ALKBH3: variants seen among roughly 807,000 people sequenced by gnomAD.
The protein encoded by ALKBH3 is alpha-ketoglutarate-dependent dioxygenase alkB homolog 3.
In ALKBH3, 51 loss-of-function variants were observed where a neutral mutation model predicts 43.9. That is an observed-to-expected ratio of 1.16 (90% CI 0.93 to 1.47). The LOEUF (loss-of-function observed/expected upper bound fraction) is 1.47, where lower values mean the gene tolerates loss of function less well. ALKBH3 is among the 40% of genes most tolerant of loss of function. The pLI, the probability that ALKBH3 is intolerant of heterozygous loss-of-function variation, is 0.00. For missense variants in ALKBH3, 361 were observed against 351.9 expected (o/e 1.03, Z -0.21); for synonymous variants, 102 against 115.2 (o/e 0.89, Z 0.73).
chr11:43,895,203 A>G (rs1337913200), intron 7 of ALKBH3, among the ~76,000 whole-genome samples: 2 of 152,186 alleles, frequency 1.3e-5, no homozygotes, highest in Non-Finnish European at 2.9e-5. Flanking sequence ...ACTGCGAAAC[A>G]TATAACATGA....
chr11:43,916,888 A>T (rs1951987591), intron 8 of ALKBH3: 1 of 152,240 alleles, frequency 6.6e-6, no homozygotes, highest in African/African-American at 2.4e-5. Flanking sequence ...TTGCATTAGT[A>T]GGATCCCTTG....
chr11:43,905,740 A>G (rs2460120), intron 8 of ALKBH3, among the ~76,000 whole-genome samples: 128,088 of 152,172 alleles, frequency 0.84, 54,651 homozygotes, highest in East Asian at 0.98. Flanking sequence ...TCAGGCTGGC[A>G]TTATTAAAGG....
At chr11:43,914,194 G>A (rs894920883) in intron 8 of ALKBH3, among the ~76,000 whole-genome samples, 5 of 152,234 alleles carry the variant, frequency 3.3e-5, no homozygotes, top group African/African-American at 7.2e-5. Flanking sequence ...GAGTATAGTG[G>A]AAAGAATAGG....
intron 8 of ALKBH3, among the ~76,000 whole-genome samples, chr11:43,903,056 T>C (rs533962775): frequency 3.0e-4 from 46 of 152,360 alleles, no homozygotes; most frequent in African/African-American, 1.1e-3. Context: ...GCATATTGTG[T>C]GATTTTGCAT....
rs1255520585 is a variant in ALKBH3 at position 43,882,667 on chromosome 11, A to G, written c.15A>G (p.Arg5=). 2 of 1,613,170 alleles carry G rather than the reference A, an allele frequency of 1.2e-6. No individual in the cohort carries two copies. The highest frequency in any genetic ancestry group is 1.7e-6 in the Non-Finnish European group (2 of 1,179,794). The change falls in exon 2 of 10, where the codon AGA becomes AGG. Residue 5 remains arginine, a synonymous_variant. Coordinates refer to ENST00000302708, the MANE Select transcript of ALKBH3 (RefSeq NM_139178.4). The part of the protein sequence containing the change: MEEK[R]RRARVQGAWA... ...TTTTGGTCAACATGGAGGAAAAAAG[A>G]CGGCGAGCCCGAGTTCAGGGAGCCT... is the stretch of plus-strand genomic sequence containing the variant.
chr11:43,900,403 T>C (rs1358768440), intron 7 of ALKBH3, among the ~76,000 whole-genome samples: 6 of 151,746 alleles, frequency 4.0e-5, no homozygotes, highest in Non-Finnish European at 5.9e-5. Context: ...TTTGTATTTT[T>C]AGTAGAGACA....
chr11:43,905,547 T>C (rs913993811), intron 8 of ALKBH3, among the ~76,000 whole-genome samples: 4 of 152,174 alleles, frequency 2.6e-5, no homozygotes, highest in African/African-American at 7.2e-5. Context: ...CTGTCATTCC[T>C]CAGGGGCATA....
chr11:43,898,392 G>C (rs1951835143), intron 7 of ALKBH3: 2 of 702,128 alleles, frequency 2.8e-6, no homozygotes, highest in South Asian at 1.6e-5. Context: ...CCGTTCCACA[G>C]GTCCTTCAGA....
chr11:43,916,222 C>A (rs1159347032), intron 8 of ALKBH3, among the ~76,000 whole-genome samples: 2 of 152,106 alleles, frequency 1.3e-5, no homozygotes, highest in Non-Finnish European at 2.9e-5. Context: ...GTAAATACAT[C>A]CAGATTTTTT....
chr11:43,887,893 A>G (rs1267236149), intron 5 of ALKBH3, among the ~76,000 whole-genome samples: 3 of 151,422 alleles, frequency 2.0e-5, no homozygotes, highest in African/African-American at 7.3e-5. Flanking sequence ...GGTTCACGCC[A>G]TTCTTCTGCC....
chr11:43,899,601 C>A, intron 7 of ALKBH3: 1 of 538,892 alleles, frequency 1.9e-6, no homozygotes, highest in South Asian at 1.9e-5. Context: ...AGGAGATGGC[C>A]GCCCCTCCTC....
chr11:43,886,629 G>C lies in ALKBH3; in HGVS notation c.242G>C (p.Ser81Thr), dbSNP rs765358508. ...VIDREGVYEI[S>T]LSPTGVSRVC... ...AGCAGAGAGGGTGTGTATGAAATCAGCCTGTCACCCACAGGTGTATCTAGG... is the reference window on the plus strand; with the variant it reads ...AGCAGAGAGGGTGTGTATGAAATCACCCTGTCACCCACAGGTGTATCTAGG... The change falls in exon 5 of 10, where the codon AGC (serine) becomes ACC (threonine). Residue 81 changes from serine (S) to threonine (T), a missense_variant. By Grantham distance (58) the Ser-to-Thr change is moderately conservative. Coordinates refer to ENST00000302708, the MANE Select transcript of ALKBH3 (RefSeq NM_139178.4). 3 of 1,614,160 alleles carry C rather than the reference G, an allele frequency of 1.9e-6. No individual in the cohort carries two copies. The highest frequency in any genetic ancestry group is 1.7e-6 in the Non-Finnish European group (2 of 1,180,008).
rs1391164792 is a variant in ALKBH3 at position 43,901,735 on chromosome 11, C to T, written c.669+10C>T. 9.3e-6 allele frequency: 15 copies of T among 1,613,554 alleles called. No homozygotes were observed. Among genetic ancestry groups the T allele is most frequent in the Non-Finnish European group, 1.2e-5 (14 of 1,179,622 alleles). On this transcript the variant is annotated intron_variant, in intron 8 of 9. Coordinates refer to ENST00000302708, the MANE Select transcript of ALKBH3 (RefSeq NM_139178.4). The stretch of plus-strand genomic sequence containing the variant: ...AAAGAAGCCACCACCAGTGAGTATT[C>T]TCTTTTTCTTATGCTCTTCCTGCCT...
intron 7 of ALKBH3, chr11:43,899,210 G>A (rs1165943569): frequency 3.9e-6 from 3 of 763,334 alleles, no homozygotes; most frequent in Admixed American, 1.7e-5. Context: ...CATAGACAAA[G>A]TCTGGCAGTG....
chr11:43,897,873 G>A (rs1951830283), intron 7 of ALKBH3: 2 of 786,462 alleles, frequency 2.5e-6, no homozygotes, highest in Admixed American at 1.7e-5. Flanking sequence ...GGAAAAAATT[G>A]CAATGAAACA....
chr11:43,909,737 G>A (rs1260721213), intron 8 of ALKBH3: 1 of 152,152 alleles, frequency 6.6e-6, no homozygotes, highest in Admixed American at 6.6e-5. Flanking sequence ...CCTTAGACCA[G>A]CGGGCTAGAG....
intron 7 of ALKBH3, among the ~76,000 whole-genome samples, chr11:43,901,054 C>G (rs571539712): frequency 1.3e-5 from 2 of 152,292 alleles, no homozygotes; most frequent in African/African-American, 2.4e-5. Flanking sequence ...AGGAATAGAA[C>G]GAACAGAGGG....
chr11:43,882,952 C>T (rs1021390243), intron 2 of ALKBH3, 133 bp from the exon 3 acceptor site: 1 of 836,538 alleles, frequency 1.2e-6, no homozygotes, highest in South Asian at 1.8e-5. Context: ...TCAGTATCTT[C>T]TGTTGACTTT....
At chr11:43,906,869 T>C (rs559987166) in intron 8 of ALKBH3, among the ~76,000 whole-genome samples, 3 of 152,372 alleles carry the variant, frequency 2.0e-5, no homozygotes, top group Non-Finnish European at 2.9e-5. Flanking sequence ...TTTGTACTTA[T>C]TCCTTTTTTG....
Sources: allele counts gnomAD v4.1 joint callset (sites outside exome capture counted in the v4.1 genomes callset), GRCh38; gene constraint gnomAD v4.1.1; transcripts MANE v1.5; gene names NCBI Gene and HGNC (gene_info 2026-07-23, HGNC 2026-07-21).